PSKH2: variants seen among roughly 807,000 people sequenced by gnomAD.
The protein encoded by PSKH2 is serine/threonine-protein kinase H2.
PSKH2 carries 16 observed loss-of-function variants against 22.5 expected under a neutral mutation model. The observed-to-expected ratio is 0.71, with a 90% confidence interval of 0.48 to 1.08. PSKH2 has a LOEUF of 1.08. Ranked by LOEUF, PSKH2 falls within the 50% of genes least tolerant of loss-of-function variation. The pLI is 0.00. For missense variants in PSKH2, 516 were observed against 492.8 expected (o/e 1.05, Z -0.44); for synonymous variants, 188 against 184.8 (o/e 1.02, Z -0.14).
At position 86,048,177 on chromosome 8, in the gene PSKH2, T is replaced by C. The variant is rs187775463; in HGVS notation, c.*285A>G. Among the ~76,000 whole-genome samples the C allele has an allele frequency of 1.7e-3, 265 of 152,360 alleles. No individual in the cohort carries two copies. Among genetic ancestry groups the C allele is most frequent in the Middle Eastern group, 3.4e-3 (1 of 294 alleles). On this transcript the variant is annotated 3_prime_UTR_variant, in exon 3 of 3. Coordinates refer to ENST00000276616, the MANE Select transcript of PSKH2 (RefSeq NM_033126.3). ...TACATCCCTTATTTCTATAGTATTG[T>C]ATTTTATTTAATCCATTACATACTT...
intron 2 of PSKH2, among the ~76,000 whole-genome samples, chr8:86,057,931 A>G (rs1817725165): frequency 6.6e-6 from 1 of 152,168 alleles, no homozygotes; most frequent in Non-Finnish European, 1.5e-5. Flanking sequence ...GAAGAGATAT[A>G]TAATCATACT....
In PSKH2 at chr8:86,048,757, C is replaced by T. The variant is rs1586055395; in HGVS notation, c.863G>A (p.Ser288Asn). ...KYNYTGEPWPSISHLAKDFID... is the reference protein window; with the variant it reads ...KYNYTGEPWPNISHLAKDFID... ...AAAGTCCTTCGCCAAGTGGGAAATG[C>T]TTGGCCAAGGCTGAGAATAAAAATA... Residue 288 changes from serine to asparagine, a missense_variant, in exon 3 of 3, where the codon AGC becomes AAC. By Grantham distance (46) the Ser-to-Asn change is conservative (BLOSUM62 1). Transcript: ENST00000276616. 3 of 1,607,572 alleles carry T rather than the reference C, an allele frequency of 1.9e-6. No individual in the cohort carries two copies. The highest frequency in any genetic ancestry group is 2.6e-6 in the Non-Finnish European group (3 of 1,175,564).
At chr8:86,067,836 A>G (rs1817887260) in intron 1 of PSKH2, among the ~76,000 whole-genome samples, 1 of 152,204 alleles carries the variant, frequency 6.6e-6, no homozygotes, top group Non-Finnish European at 1.5e-5. Flanking sequence ...TCTAGTCCCA[A>G]TTCTACCACT....
At chr8:86,069,008 G>C (rs557269646) in intron 1 of PSKH2, among the ~76,000 whole-genome samples, 1 of 152,290 alleles carries the variant, frequency 6.6e-6, no homozygotes, top group Admixed American at 6.5e-5. Context: ...AGGAGTCGAG[G>C]CTTCTGCAAC....
intron 1 of PSKH2, among the ~76,000 whole-genome samples, chr8:86,069,129 T>C (rs946825343): frequency 1.3e-5 from 2 of 151,880 alleles, no homozygotes; most frequent in Admixed American, 1.3e-4. Context: ...GTCAATGAGA[T>C]CTGTGTTTGC....
At chr8:86,053,176 G>C (rs1050261819) in intron 2 of PSKH2, among the ~76,000 whole-genome samples, 1 of 151,954 alleles carries the variant, frequency 6.6e-6, no homozygotes, top group African/African-American at 2.4e-5. Context: ...GGCTCTCCTC[G>C]CACAACACAG....
At chr8:86,056,719 G>A (rs185127633) in intron 2 of PSKH2, among the ~76,000 whole-genome samples, 8 of 152,248 alleles carry the variant, frequency 5.3e-5, no homozygotes, top group Admixed American at 5.2e-4. Context: ...AATAGTCTCA[G>A]CACCTACATC....
chr8:86,069,475 G>C lies in PSKH2; in HGVS notation c.148C>G (p.Arg50Gly), dbSNP rs762475706. ...AQAAQRIQVA[R>G]FRAKFDPRVL... is the part of the protein sequence containing the mutation. ...CGGGGGTCGAACTTGGCTCGGAAGC[G>C]AGCCACCTGTATCCTCTGCGCCGCC... Residue 50 changes from arginine to glycine, a missense_variant, in exon 1 of 3, where the codon CGC (arginine) becomes GGC (glycine). Arg to Gly is a moderately radical substitution (Grantham distance 125). Transcript: ENST00000276616. 1.6e-5 allele frequency: 25 copies of C among 1,602,476 alleles called. No individual in the cohort carries two copies. Among genetic ancestry groups the C allele is most frequent in the Non-Finnish European group, 2.0e-5 (24 of 1,176,240 alleles).
chr8:86,051,702 T>C (rs1206125234), intron 2 of PSKH2, among the ~76,000 whole-genome samples: 2 of 152,188 alleles, frequency 1.3e-5, no homozygotes, highest in East Asian at 3.9e-4. Flanking sequence ...AGATGGCTCC[T>C]CTGGAACATT....
At chr8:86,052,287 C>T (rs1196659147) in intron 2 of PSKH2, among the ~76,000 whole-genome samples, 1 of 152,166 alleles carries the variant, frequency 6.6e-6, no homozygotes, top group Non-Finnish European at 1.5e-5. Flanking sequence ...CGGCCACCCC[C>T]ACTCTTTGCT....
At chr8:86,057,164 T>G (rs1030420176) in intron 2 of PSKH2, among the ~76,000 whole-genome samples, 1 of 151,822 alleles carries the variant, frequency 6.6e-6, no homozygotes, top group Non-Finnish European at 1.5e-5. Context: ...GCTCGGGTGA[T>G]CCTCCCACTT....
At chr8:86,051,206 C>T (rs560324667) in intron 2 of PSKH2, among the ~76,000 whole-genome samples, 1 of 151,896 alleles carries the variant, frequency 6.6e-6, no homozygotes, top group African/African-American at 2.4e-5. Flanking sequence ...GGGAGAGTGC[C>T]TCACTCTCAC....
intron 1 of PSKH2, among the ~76,000 whole-genome samples, chr8:86,065,881 G>T (rs751022154): frequency 1.3e-5 from 2 of 152,032 alleles, no homozygotes; most frequent in Non-Finnish European, 2.9e-5. Flanking sequence ...GAAGCAGGAG[G>T]ATCCCTCGAG....
At chr8:86,054,657 C>G (rs993976890) in intron 2 of PSKH2, among the ~76,000 whole-genome samples, 3 of 152,094 alleles carry the variant, frequency 2.0e-5, no homozygotes, top group Non-Finnish European at 2.9e-5. Context: ...CTAATTATGT[C>G]AGAATGCTCT....
intron 2 of PSKH2, among the ~76,000 whole-genome samples, chr8:86,049,747 A>AAAGAAAGAAAGAAAGG (rs1363102902): frequency 8.7e-4 from 10 of 11,442 alleles, no homozygotes; most frequent in African/African-American, 1.8e-3. Context: ...AGAAAGAAAG[A>AAAGAAAGAAAGAAAGG]AACGAAAGAA....
Position 86,048,412 on chromosome 8 carries a change from A to T in PSKH2, c.*50T>A, listed in dbSNP as rs755553907. ...TTTGGAGCTTGAGGGTGCCCTAATC[A>T]TGATGAAATGGTCCTAAAATAGGCA... On this transcript the variant is annotated 3_prime_UTR_variant, in exon 3 of 3. Transcript: ENST00000276616. 9.8e-6 allele frequency: 14 copies of T among 1,435,342 alleles called. No individual in the cohort carries two copies. The highest frequency in any genetic ancestry group is 8.8e-5 in the Admixed American group (5 of 56,732). The allele number at this position is 1,435,342 out of a possible 1,614,324, so 88.9% of individuals were successfully genotyped here.
chr8:86,059,096 T>C (rs1288966743), intron 2 of PSKH2, among the ~76,000 whole-genome samples: 2 of 152,034 alleles, frequency 1.3e-5, no homozygotes, highest in Non-Finnish European at 2.9e-5. Flanking sequence ...CACATCACTA[T>C]GTGTGGCTAA....
chr8:86,051,062 ATTTG>A (rs111727263), intron 2 of PSKH2, among the ~76,000 whole-genome samples: 7 of 150,788 alleles, frequency 4.6e-5, no homozygotes, highest in Middle Eastern at 3.2e-3. Flanking sequence ...TTAACTCAGA[ATTTG>A]TTTGTTTGTT....
chr8:86,048,747 G>A lies in PSKH2; in HGVS notation c.873C>T (p.His291=). The A allele has an allele frequency of 6.2e-7, 1 of 1,609,394 alleles. No homozygotes were observed. The highest frequency in any genetic ancestry group is 8.5e-7 in the Non-Finnish European group (1 of 1,176,584). ...YTGEPWPSIS[H]LAKDFIDKLL... ...GTTTGTCTATAAAGTCCTTCGCCAA[G>A]TGGGAAATGCTTGGCCAAGGCTGAG... The change falls in exon 3 of 3, where the codon CAC becomes CAT. Residue 291 remains histidine (H), a synonymous_variant. Coordinates refer to ENST00000276616, the MANE Select transcript of PSKH2 (RefSeq NM_033126.3).
Sources: allele counts gnomAD v4.1 joint callset (sites outside exome capture counted in the v4.1 genomes callset), GRCh38; gene constraint gnomAD v4.1.1; transcripts MANE v1.5; gene names NCBI Gene and HGNC (gene_info 2026-07-23, HGNC 2026-07-21).